The following EVC2 variants were observed in gnomAD, a reference collection of about 807,000 sequenced individuals.
EVC2 encodes limbin.
Under a neutral mutation model 149.3 loss-of-function variants are expected in EVC2, and 148 were observed. The ratio of observed to expected loss-of-function variants is 0.99; its 90% CI spans 0.87 to 1.14. The LOEUF (loss-of-function observed/expected upper bound fraction) is 1.14. EVC2 is among the 50% of genes most tolerant of loss of function. The probability of loss-of-function intolerance (pLI) is 0.00; values close to 1 mark genes in which losing one functional copy is unlikely to be tolerated. For missense variants in EVC2, 1,854 were observed against 1,627.3 expected, an observed-to-expected ratio of 1.14 and a Z score of -2.40; for synonymous variants, 776 against 649.9, an observed-to-expected ratio of 1.19 and a Z score of -2.95.
chr4:5,635,035 T>G (rs958189223), intron 10 of EVC2, among the ~76,000 whole-genome samples: 2 of 137,572 alleles, frequency 1.5e-5, no homozygotes, highest in African/African-American at 5.6e-5. Flanking sequence ...TGTGCTTTTT[T>G]TTTTTTTTTT....
At chr4:5,706,417 GATAGATAGATAC>G (rs1334248141) in intron 1 of EVC2, among the ~76,000 whole-genome samples, 1 of 61,542 alleles carries the variant, frequency 1.6e-5, no homozygotes, top group Non-Finnish European at 3.0e-5. Flanking sequence ...TAGATACATA[GATAGATAGATAC>G]ATAGATAGAT....
In EVC2 at chr4:5,568,454, C is replaced by T; in HGVS notation, c.3547G>A (p.Gly1183Ser). The T allele has an allele frequency of 6.4e-7, 1 of 1,559,788 alleles. No homozygotes were observed. Among genetic ancestry groups the T allele is most frequent in the Non-Finnish European group, 8.6e-7 (1 of 1,159,642 alleles). The change falls in exon 20 of 22, where the codon GGC (glycine) becomes AGC (serine). Residue 1183 changes from glycine (G) to serine (S), a missense_variant. Gly to Ser is a moderately conservative substitution (Grantham distance 56). Transcript: ENST00000344408. Reference sequence around the variant, plus strand: ...CTCCACGGCACTCACCTCCGCCTGCCCACGTCGGCCTGCTCCGCTCCGCCA... The same window carrying T: ...CTCCACGGCACTCACCTCCGCCTGCTCACGTCGGCCTGCTCCGCTCCGCCA... Reference protein sequence around the residue: ...SDGGAEQADVGRRRKHQSWWQ... With the variant: ...SDGGAEQADVSRRRKHQSWWQ...
At chr4:5,663,309 A>G in intron 8 of EVC2, 63 bp from the exon 9 acceptor site, 1 of 1,609,630 alleles carries the variant, frequency 6.2e-7, no homozygotes. Flanking sequence ...CGTGCTGAGA[A>G]AGCCAGGAGG....
At chr4:5,699,575 C>T (rs1052963056) in intron 1 of EVC2, among the ~76,000 whole-genome samples, 3 of 145,796 alleles carry the variant, frequency 2.1e-5, no homozygotes, top group Non-Finnish European at 3.0e-5. Flanking sequence ...AAGCTAAATG[C>T]GGTCCATCCA....
chr4:5,681,858 A>T (rs1254911607), intron 6 of EVC2, among the ~76,000 whole-genome samples: 3 of 152,172 alleles, frequency 2.0e-5, no homozygotes, highest in African/African-American at 4.8e-5. Context: ...GACCGACAAG[A>T]CCCACCGTGA....
the EVC2 span, among the ~76,000 whole-genome samples, chr4:5,536,380 G>A: frequency 1.6e-3 from 249 of 152,016 alleles, 3 homozygotes; most frequent in African/African-American, 5.8e-3. Context: ...GAAGCAATAA[G>A]GGAAAATATT....
At chr4:5,639,176 C>T (rs1307197630) in intron 10 of EVC2, among the ~76,000 whole-genome samples, 3 of 152,034 alleles carry the variant, frequency 2.0e-5, no homozygotes, top group African/African-American at 7.2e-5. Flanking sequence ...TTATTTGCTC[C>T]CAGGGGCATC....
At chr4:5,691,400 T>C (rs1721112107) in intron 3 of EVC2, 67 bp from the exon 4 acceptor site, 1 of 1,327,694 alleles carries the variant, frequency 7.5e-7, no homozygotes, top group Non-Finnish European at 1.1e-6. Context: ...TTAATAAAAG[T>C]ACAAGATAAT....
intron 16 of EVC2, among the ~76,000 whole-genome samples, chr4:5,585,879 T>C (rs919365823): frequency 2.5e-4 from 38 of 152,196 alleles, no homozygotes; most frequent in African/African-American, 9.2e-4. Context: ...TATTTTATTT[T>C]TAGACACAGT....
chr4:5,576,551 C>T lies in EVC2; in HGVS notation c.3058-97G>A. ...CCTGGGTGTCTTGCTACAAGTCTGG[C>T]ATGACTCTGTCTTGCCTGGTTCCCC... On this transcript the variant is annotated intron_variant, in intron 17 of 21. Coordinates refer to ENST00000344408, the MANE Select transcript of EVC2 (RefSeq NM_147127.5). This position sits in a 1 kb window ranked among gnomAD's most constrained non-coding sequence, Gnocchi z 4.5. 1 of 1,532,622 alleles carries T rather than the reference C, an allele frequency of 6.5e-7. No individual in the cohort carries two copies. Among genetic ancestry groups the T allele is most frequent in the Non-Finnish European group, 8.7e-7 (1 of 1,145,572 alleles). 94.9% of individuals were successfully genotyped at this position (1,532,622 alleles called of 1,614,324 possible).
At chr4:5,595,888 T>C (rs968328966) in intron 16 of EVC2, among the ~76,000 whole-genome samples, 319 of 151,644 alleles carry the variant, frequency 2.1e-3, no homozygotes, top group Non-Finnish European at 4.0e-3. Context: ...ACCAAGCAAA[T>C]GGAAAACAAA....
At position 5,670,937 on chromosome 4, in the gene EVC2, A is replaced by G. The variant is rs1245008643; in HGVS notation, c.871-5288T>C. Among the ~76,000 whole-genome samples the G allele has an allele frequency of 6.6e-6, 1 of 151,760 alleles. No homozygotes were observed. The highest frequency in any genetic ancestry group is 2.4e-5 in the African/African-American group (1 of 41,342). The stretch of plus-strand genomic sequence containing the variant: ...ATCACAATCACTATAAACATCATCA[A>G]TATCACCATCACCATCATCTTCACG... On this transcript the variant is annotated intron_variant, in intron 7 of 21. Transcript: ENST00000344408. The surrounding 1 kb of genome is among the most constrained non-coding windows in gnomAD (Gnocchi z 5.2).
At chr4:5,708,871 C>T (rs140630016), upstream of EVC2, 157 of 205,090 alleles carry the variant, frequency 7.7e-4, no homozygotes, top group African/African-American at 3.4e-3. Context: ...CCCCTGGGAA[C>T]GGTTTCCTGA....
chr4:5,678,993 T>C (rs1720167626), intron 7 of EVC2, among the ~76,000 whole-genome samples: 1 of 149,962 alleles, frequency 6.7e-6, no homozygotes, highest in Non-Finnish European at 1.5e-5. Context: ...AACGTACCAC[T>C]GCACTCCAGC....
chr4:5,685,233 G>T, intron 6 of EVC2, 137 bp downstream of exon 6: 3 of 856,210 alleles, frequency 3.5e-6, no homozygotes, highest in Non-Finnish European at 3.9e-6. Flanking sequence ...AGACTCCAGG[G>T]CCTATGCCCT....
chr4:5,692,861 G>A lies in EVC2; in HGVS notation c.450+1474C>T, dbSNP rs1291062665. 1.1e-4 allele frequency among the ~76,000 whole-genome samples: 12 copies of A among 113,766 alleles called. No homozygotes were observed. The East Asian group carries it at 1.1e-3, about 10-fold the overall frequency. The allele number at this position is 113,766 out of a possible 152,430, so 74.6% of individuals were successfully genotyped here. A position where few individuals can be genotyped will look rare whatever the true frequency, so the allele number is the denominator to read the frequency against. Reference sequence around the variant, plus strand: ...CGCAGTCCGGCCTGGGCGACAGAGCGAGACTCCGTCTCAAAAAAAAAAAAA... The same window carrying A: ...CGCAGTCCGGCCTGGGCGACAGAGCAAGACTCCGTCTCAAAAAAAAAAAAA... On this transcript the variant is annotated intron_variant, in intron 3 of 21. Coordinates refer to ENST00000344408, the MANE Select transcript of EVC2 (RefSeq NM_147127.5).
downstream of EVC2, among the ~76,000 whole-genome samples, chr4:5,542,484 C>T (rs1353753002): frequency 6.6e-6 from 1 of 152,120 alleles, no homozygotes; most frequent in East Asian, 1.9e-4. Context: ...CCAATGCCCA[C>T]AGCTTTGATG....
At chr4:5,563,416 G>A (rs940619093) in intron 21 of EVC2, among the ~76,000 whole-genome samples, 2 of 152,062 alleles carry the variant, frequency 1.3e-5, no homozygotes, top group African/African-American at 2.4e-5. Flanking sequence ...GCACAACCTC[G>A]GCTCACTGCA....
intron 16 of EVC2, among the ~76,000 whole-genome samples, chr4:5,587,818 G>A (rs1233676831): frequency 6.6e-6 from 1 of 152,162 alleles, no homozygotes; most frequent in Non-Finnish European, 1.5e-5. Flanking sequence ...GAACCGAACA[G>A]GACAGGGATC....
Sources: allele counts gnomAD v4.1 joint callset (sites outside exome capture counted in the v4.1 genomes callset), GRCh38; gene constraint gnomAD v4.1.1; non-coding constraint Gnocchi (gnomAD v3.1); transcripts MANE v1.5; gene names NCBI Gene and HGNC (gene_info 2026-07-23, HGNC 2026-07-21).